The following TAS2R1 variants were observed in gnomAD, a reference collection of about 807,000 sequenced individuals.
TAS2R1 encodes taste 2 receptor member 1.
For missense variants in TAS2R1, 370 were observed against 353.4 expected (o/e 1.05, Z -0.38); for synonymous variants, 141 against 134.2 (o/e 1.05, Z -0.35).
intron 2 of TAS2R1, among the ~76,000 whole-genome samples, chr5:9,638,984 T>C (rs935411368): frequency 1.1e-4 from 16 of 152,174 alleles, no homozygotes; most frequent in African/African-American, 3.1e-4. Context: ...CCCCGCTCAG[T>C]GCCCAAGACC....
chr5:9,714,565 TC>T (rs1734768112), upstream of TAS2R1, among the ~76,000 whole-genome samples: 2 of 152,208 alleles, frequency 1.3e-5, no homozygotes, highest in Admixed American at 6.5e-5. Context: ...TCCATAAAAT[TC>T]TCTTTGGAGG....
At chr5:9,879,081 T>C in the TAS2R1 span, among the ~76,000 whole-genome samples, 1,789 of 152,328 alleles carry the variant, frequency 0.012, 12 homozygotes, top group Non-Finnish European at 0.018. Flanking sequence ...GCTGGGACTA[T>C]GGTGAGGCAG....
chr5:9,640,143 A>G (rs1740042356), intron 2 of TAS2R1, among the ~76,000 whole-genome samples: 1 of 152,118 alleles, frequency 6.6e-6, no homozygotes, highest in Non-Finnish European at 1.5e-5. Context: ...CCATTTTAGT[A>G]TTATTAATTG....
the TAS2R1 span, among the ~76,000 whole-genome samples, chr5:9,759,597 A>C: frequency 6.6e-6 from 1 of 152,250 alleles, no homozygotes; most frequent in African/African-American, 2.4e-5. Flanking sequence ...CTGAACAAAA[A>C]CCAGTTATGA....
the TAS2R1 span, among the ~76,000 whole-genome samples, chr5:9,771,626 G>T: frequency 1.2e-4 from 18 of 152,204 alleles, no homozygotes; most frequent in East Asian, 2.7e-3. Flanking sequence ...ATTCTGCAGT[G>T]AAACCATCAG....
intron 1 of TAS2R1, among the ~76,000 whole-genome samples, chr5:9,685,632 T>A (rs1312052547): frequency 6.6e-6 from 1 of 152,134 alleles, no homozygotes; most frequent in African/African-American, 2.4e-5. Flanking sequence ...TCACAACAGA[T>A]CTCAAAACTT....
At chr5:9,850,628 C>A in the TAS2R1 span, among the ~76,000 whole-genome samples, 1 of 152,190 alleles carries the variant, frequency 6.6e-6, no homozygotes, top group Non-Finnish European at 1.5e-5. Context: ...GCAGGCTGTG[C>A]CCCCGAACCA....
the TAS2R1 span, among the ~76,000 whole-genome samples, chr5:9,771,788 A>G: frequency 6.6e-6 from 1 of 151,986 alleles, no homozygotes; most frequent in Non-Finnish European, 1.5e-5. Context: ...TTTCCCACTT[A>G]TTGGCATATA....
At chr5:9,675,109 T>C (rs1299715041) in intron 1 of TAS2R1, among the ~76,000 whole-genome samples, 1 of 148,650 alleles carries the variant, frequency 6.7e-6, no homozygotes, top group Non-Finnish European at 1.5e-5. Flanking sequence ...TGAAATCATA[T>C]ATATATATAT....
At chr5:9,891,517 C>G in the TAS2R1 span, among the ~76,000 whole-genome samples, 2 of 152,140 alleles carry the variant, frequency 1.3e-5, no homozygotes, top group Non-Finnish European at 2.9e-5. Flanking sequence ...GGATCCCATG[C>G]ACAGAGTATG....
At chr5:9,727,455 A>C in the TAS2R1 span, among the ~76,000 whole-genome samples, 1 of 152,238 alleles carries the variant, frequency 6.6e-6, no homozygotes, top group Non-Finnish European at 1.5e-5. Context: ...CAACTCAGGC[A>C]GGTAATCTTA....
At chr5:9,875,666 A>C in the TAS2R1 span, among the ~76,000 whole-genome samples, 138,733 of 152,220 alleles carry the variant, frequency 0.91, 63,346 homozygotes, top group Non-Finnish European at 0.94. Flanking sequence ...AGTTACCACA[A>C]CTCAATGGCT....
chr5:9,719,940 A>AC, the TAS2R1 span, among the ~76,000 whole-genome samples: 6 of 68,510 alleles, frequency 8.8e-5, no homozygotes, highest in African/African-American at 3.3e-4. Flanking sequence ...AAAAAAAAAC[A>AC]AAAACAAAAA....
the TAS2R1 span, among the ~76,000 whole-genome samples, chr5:9,721,930 C>T: frequency 2.0e-5 from 3 of 152,298 alleles, no homozygotes; most frequent in Admixed American, 2.0e-4. Context: ...AACTTCTGTT[C>T]CAGGCAGCTT....
the TAS2R1 span, among the ~76,000 whole-genome samples, chr5:9,815,105 A>C: frequency 6.6e-6 from 1 of 152,210 alleles, no homozygotes; most frequent in Non-Finnish European, 1.5e-5. Flanking sequence ...AGCTCCCTAA[A>C]AGCCTTCCAA....
chr5:9,773,849 T>C, the TAS2R1 span, among the ~76,000 whole-genome samples: 1 of 152,232 alleles, frequency 6.6e-6, no homozygotes, highest in Non-Finnish European at 1.5e-5. Flanking sequence ...ATACTTTCTT[T>C]ACCCTTGACT....
At chr5:9,777,345 A>C in the TAS2R1 span, among the ~76,000 whole-genome samples, 1 of 152,262 alleles carries the variant, frequency 6.6e-6, no homozygotes, top group Non-Finnish European at 1.5e-5. Flanking sequence ...TAATAGTCAC[A>C]GCATCTTTGC....
At chr5:9,708,363 A>G (rs1741664953) in intron 1 of TAS2R1, among the ~76,000 whole-genome samples, 1 of 152,168 alleles carries the variant, frequency 6.6e-6, no homozygotes, top group South Asian at 2.1e-4. Flanking sequence ...TCTCTCCTAC[A>G]TGGTTTTCTT....
chr5:9,820,812 T>C, the TAS2R1 span, among the ~76,000 whole-genome samples: 1 of 152,206 alleles, frequency 6.6e-6, no homozygotes, highest in South Asian at 2.1e-4. Context: ...CCCAAACATC[T>C]GTCCCAAGGC....
Sources: allele counts gnomAD v4.1 joint callset (sites outside exome capture counted in the v4.1 genomes callset), GRCh38; gene constraint gnomAD v4.1.1; transcripts MANE v1.5; gene names NCBI Gene and HGNC (gene_info 2026-07-23, HGNC 2026-07-21).